Variants in ITGBL1 observed in about 807,000 individuals in gnomAD.
ITGBL1 encodes integrin subunit beta like 1.
In ITGBL1, 51 loss-of-function variants were observed where a neutral mutation model predicts 68.5. The observed-to-expected ratio is 0.74, with a 90% CI of 0.59 to 0.94. The LOEUF is 0.94. Ranked by LOEUF, ITGBL1 falls within the 40% of genes least tolerant of loss-of-function variation. The pLI is 0.00. For synonymous variants in ITGBL1, 209 were observed against 227.3 expected (o/e 0.92, Z 0.72); for missense variants, 649 against 647.4 (o/e 1.00, Z -0.03).
intron 7 of ITGBL1, among the ~76,000 whole-genome samples, chr13:101,647,124 T>C (rs2032584854): frequency 6.6e-6 from 1 of 152,192 alleles, no homozygotes. Context: ...GCATGATGTT[T>C]GTTATTCACT....
At chr13:101,719,116 A>G (rs550596255), downstream of ITGBL1, 1 of 152,252 alleles carries the variant, frequency 6.6e-6, no homozygotes, top group South Asian at 2.1e-4. Flanking sequence ...TTGAATATGT[A>G]TCAAATATTA....
chr13:101,497,512 G>C (rs2048873828), intron 2 of ITGBL1, among the ~76,000 whole-genome samples: 1 of 152,220 alleles, frequency 6.6e-6, no homozygotes, highest in Non-Finnish European at 1.5e-5. Context: ...GTTGGACCAG[G>C]ACATGTAAAC....
intron 2 of ITGBL1, among the ~76,000 whole-genome samples, chr13:101,462,744 G>T (rs1445276879): frequency 6.6e-6 from 1 of 152,022 alleles, no homozygotes; most frequent in Non-Finnish European, 1.5e-5. Context: ...CCCCACACCT[G>T]GCTAATTTTT....
chr13:101,693,845 A>C (rs2033939641), intron 8 of ITGBL1, among the ~76,000 whole-genome samples: 1 of 152,002 alleles, frequency 6.6e-6, no homozygotes. Context: ...ACTTTTTTGA[A>C]TTTTTGCAGT....
rs139328253 is a variant in ITGBL1, at chr13:101,545,726, T to G, written c.317-21973T>G. Among the ~76,000 whole-genome samples, 507 of 152,184 alleles carry G rather than the reference T, an allele frequency of 3.3e-3. 1 individual carries two copies. Among genetic ancestry groups the G allele is most frequent in the African/African-American group, 0.011 (475 of 41,536 alleles). The stretch of plus-strand genomic sequence containing the variant: ...AAAAAAGTCATCTTCTTCAGGGAAT[T>G]TATAGTAACAGCCATCACTGGGGCC... On this transcript the variant is annotated intron_variant, in intron 2 of 10. Transcript: ENST00000376180.
chr13:101,455,283 A>G (rs574058699), intron 2 of ITGBL1, among the ~76,000 whole-genome samples: 48 of 152,332 alleles, frequency 3.2e-4, no homozygotes, highest in African/African-American at 1.0e-3. Context: ...CTGCTTGGCA[A>G]TGCAAAAAAT....
intron 6 of ITGBL1, 59 bp from the exon 7 acceptor site, chr13:101,598,094 T>G (rs1258354808): frequency 5.4e-6 from 8 of 1,474,276 alleles, no homozygotes; most frequent in Non-Finnish European, 5.5e-6. Context: ...GAATGAAAAC[T>G]AATTCCAACT....
At chr13:101,680,165 G>T (rs940902922) in intron 7 of ITGBL1, among the ~76,000 whole-genome samples, 1 of 152,128 alleles carries the variant, frequency 6.6e-6, no homozygotes, top group Non-Finnish European at 1.5e-5. Context: ...AAAAATATTT[G>T]TACTTAGCTG....
At chr13:101,589,234 G>C (rs997379357) in intron 6 of ITGBL1, among the ~76,000 whole-genome samples, 4 of 152,102 alleles carry the variant, frequency 2.6e-5, no homozygotes, top group Admixed American at 1.3e-4. Flanking sequence ...TGGTAGGCTA[G>C]AATTATAGAA....
At chr13:101,594,958 C>T (rs1220463651) in intron 6 of ITGBL1, among the ~76,000 whole-genome samples, 1 of 152,096 alleles carries the variant, frequency 6.6e-6, no homozygotes, top group Non-Finnish European at 1.5e-5. Context: ...CCTGTAGTCC[C>T]AACTACTGGG....
intron 7 of ITGBL1, among the ~76,000 whole-genome samples, chr13:101,630,809 T>C (rs547044267): frequency 1.9e-4 from 29 of 152,348 alleles, no homozygotes; most frequent in African/African-American, 7.0e-4. Flanking sequence ...CTTTCTTACC[T>C]GCTCCCTTGT....
chr13:101,521,391 A>G (rs574785583), intron 2 of ITGBL1, among the ~76,000 whole-genome samples: 1 of 152,318 alleles, frequency 6.6e-6, no homozygotes, highest in East Asian at 1.9e-4. Context: ...TACTACAGAA[A>G]AATTACATGG....
At chr13:101,503,589 A>C (rs768593652) in intron 2 of ITGBL1, among the ~76,000 whole-genome samples, 8 of 152,084 alleles carry the variant, frequency 5.3e-5, no homozygotes, top group African/African-American at 4.8e-5. Context: ...ACTAGTGGGC[A>C]CCCCTGAAAT....
chr13:101,462,625 G>A (rs1190888653), intron 2 of ITGBL1, among the ~76,000 whole-genome samples: 2 of 151,818 alleles, frequency 1.3e-5, no homozygotes, highest in Admixed American at 6.6e-5. Flanking sequence ...CTGTGTTGCC[G>A]AGGCTGGAGT....
At chr13:101,670,589 G>A (rs918539399) in intron 7 of ITGBL1, among the ~76,000 whole-genome samples, 3 of 152,114 alleles carry the variant, frequency 2.0e-5, no homozygotes, top group Non-Finnish European at 4.4e-5. Context: ...ATTATTTCAT[G>A]ATGACATGTG....
At chr13:101,661,018 A>C (rs866953236) in intron 7 of ITGBL1, among the ~76,000 whole-genome samples, 13 of 152,240 alleles carry the variant, frequency 8.5e-5, no homozygotes, top group Admixed American at 2.6e-4. Context: ...AATTAAAGAA[A>C]TATGAAACAG....
At chr13:101,653,845 T>TGCCCA (rs2032832647) in intron 7 of ITGBL1, among the ~76,000 whole-genome samples, 1 of 146,568 alleles carries the variant, frequency 6.8e-6, no homozygotes, top group Non-Finnish European at 1.5e-5. Flanking sequence ...CGCACCACCA[T>TGCCCA]GCCCAGCTAC....
chr13:101,646,329 T>G (rs1419688475), intron 7 of ITGBL1, among the ~76,000 whole-genome samples: 1 of 151,988 alleles, frequency 6.6e-6, no homozygotes, highest in Non-Finnish European at 1.5e-5. Context: ...AAAAAAATCA[T>G]TCTTAATGTG....
intron 7 of ITGBL1, among the ~76,000 whole-genome samples, chr13:101,674,386 G>T (rs767414937): frequency 1.3e-5 from 2 of 152,104 alleles, no homozygotes; most frequent in Admixed American, 6.5e-5. Context: ...GACATGTTCT[G>T]CATTGCTGTG....
Sources: gnomAD v4.1 joint callset for allele counts (sites outside exome capture counted in the v4.1 genomes callset) on GRCh38, gnomAD v4.1.1 for gene constraint, MANE v1.5 for transcripts, NCBI Gene and HGNC (gene_info 2026-07-23, HGNC 2026-07-21) for gene names.